VWA8: variants seen among roughly 807,000 people sequenced by gnomAD.
The protein encoded by VWA8 is von Willebrand factor A domain containing 8.
In VWA8, 221 loss-of-function variants were observed where a neutral mutation model predicts 241.5. The ratio of observed to expected loss-of-function variants is 0.91; its 90% CI spans 0.82 to 1.02. The LOEUF (loss-of-function observed/expected upper bound fraction) is 1.02. Ranked by LOEUF, VWA8 falls within the 50% of genes least tolerant of loss-of-function variation. The pLI is 0.00. For missense variants in VWA8, 2,322 were observed against 2,328.7 expected, an observed-to-expected ratio of 1.00 and a Z score of 0.06; for synonymous variants, 852 against 827.1, an observed-to-expected ratio of 1.03 and a Z score of -0.52.
intron 34 of VWA8, among the ~76,000 whole-genome samples, chr13:41,687,726 A>T (rs989772641): frequency 1.3e-5 from 2 of 152,148 alleles, no homozygotes; most frequent in Non-Finnish European, 2.9e-5. Context: ...TTGTGGCCTA[A>T]AAGTATTACT....
In VWA8 at chr13:41,890,732, T is replaced by A. The variant is rs114753514; in HGVS notation, c.651+688A>T. Among the ~76,000 whole-genome samples, 262 of 152,336 alleles carry A rather than the reference T, an allele frequency of 1.7e-3. 2 individuals are homozygous for A. The highest frequency in any genetic ancestry group is 5.8e-3 in the African/African-American group (241 of 41,576). On this transcript the variant is annotated intron_variant, in intron 5 of 44. Transcript: ENST00000379310. Reference sequence around the variant, plus strand: ...GAGGGAAGCAGACAACAAAGGGCACTGTATTGCATTGTAAAAACTTTTGAA... The same window carrying A: ...GAGGGAAGCAGACAACAAAGGGCACAGTATTGCATTGTAAAAACTTTTGAA...
chr13:41,726,308 T>G (rs148065451), intron 24 of VWA8, among the ~76,000 whole-genome samples: 130 of 152,328 alleles, frequency 8.5e-4, no homozygotes, highest in African/African-American at 2.6e-3. Context: ...TTAAACATTG[T>G]ATAGGTAAAT....
At position 41,567,279 on chromosome 13, in the gene VWA8, A is replaced by G. The variant is rs2044267533; in HGVS notation, c.*918T>C. Reference sequence around the variant, plus strand: ...TTTTTGTTACAGCTAAAAATTTCCAATCACCATTCACTTCAAATATACCAC... The same window carrying G: ...TTTTTGTTACAGCTAAAAATTTCCAGTCACCATTCACTTCAAATATACCAC... On this transcript the variant is annotated 3_prime_UTR_variant, in exon 45 of 45. Transcript: ENST00000379310. 2 of 152,236 alleles carry G rather than the reference A, an allele frequency of 1.3e-5. No individual in the cohort carries two copies. Among genetic ancestry groups the G allele is most frequent in the Non-Finnish European group, 2.9e-5 (2 of 68,036 alleles). 9.4% of individuals were successfully genotyped at this position (152,236 alleles called of 1,614,324 possible).
At chr13:41,608,880 A>G (rs1045425534) in intron 39 of VWA8, among the ~76,000 whole-genome samples, 4 of 152,194 alleles carry the variant, frequency 2.6e-5, no homozygotes, top group Admixed American at 2.0e-4. Context: ...TTAAAACCAG[A>G]TATAAACAGA....
At chr13:41,686,016 A>G (rs997645295) in intron 34 of VWA8, among the ~76,000 whole-genome samples, 1 of 152,170 alleles carries the variant, frequency 6.6e-6, no homozygotes, top group African/African-American at 2.4e-5. Flanking sequence ...TGTGAATGGT[A>G]TGAAGTGGGG....
Position 41,689,373 on chromosome 13 carries a change from A to G in VWA8, c.4112T>C (p.Val1371Ala). ...GCTTACCATGAGATCTGGAAAACCA[A>G]CAACTATTGTAGCATAATTTTTCTC... is the stretch of plus-strand genomic sequence containing the variant. The part of the protein sequence containing the change: ...SDEKNYATIV[V>A]GFPDLMSPSE... The change falls in exon 34 of 45, where the codon GTT becomes GCT. Residue 1371 changes from valine (V) to alanine (A), a missense_variant. Val to Ala is a moderately conservative substitution (Grantham distance 64). Transcript: ENST00000379310. The G allele has an allele frequency of 6.2e-7, 1 of 1,609,408 alleles. No individual in the cohort carries two copies. The highest frequency in any genetic ancestry group is 2.2e-5 in the East Asian group (1 of 44,680).
At chr13:41,775,661 G>A (rs61221437) in intron 20 of VWA8, among the ~76,000 whole-genome samples, 33,671 of 151,958 alleles carry the variant, frequency 0.22, 3,732 homozygotes, top group African/African-American at 0.25. Flanking sequence ...CCTCCACCCC[G>A]CTGCCTAGCT....
In VWA8 at chr13:41,605,739, A is replaced by C. The variant is rs571420179; in HGVS notation, c.4878-463T>G. 1.1e-4 allele frequency among the ~76,000 whole-genome samples: 16 copies of C among 152,260 alleles called. No homozygotes were observed. The South Asian group carries it at 1.5e-3, about 14-fold the overall frequency. ...TCCCATGGGTTGCTTTTTAAGATCG[A>C]GATCATGTATTTGGTTGACCAAGAT... is the stretch of plus-strand genomic sequence containing the variant. On this transcript the variant is annotated intron_variant, in intron 39 of 44. Transcript: ENST00000379310.
intron 20 of VWA8, among the ~76,000 whole-genome samples, chr13:41,768,902 C>A (rs1322382902): frequency 3.1e-5 from 4 of 129,992 alleles, no homozygotes; most frequent in Admixed American, 8.2e-5. Context: ...TAAAACAATG[C>A]CTTTTTTTTT....
intron 42 of VWA8, among the ~76,000 whole-genome samples, chr13:41,586,697 C>A (rs918867439): frequency 1.1e-4 from 16 of 152,146 alleles, no homozygotes; most frequent in Admixed American, 9.2e-4. Flanking sequence ...GGATGTCAAG[C>A]CTAATAGCAA....
intron 2 of VWA8, among the ~76,000 whole-genome samples, chr13:41,937,543 G>A (rs1877405975): frequency 6.6e-6 from 1 of 152,202 alleles, no homozygotes; most frequent in Admixed American, 6.5e-5. Context: ...TGCCAGCAAG[G>A]TGGGGCAGCT....
intron 12 of VWA8, among the ~76,000 whole-genome samples, chr13:41,847,384 A>G (rs1872335848): frequency 6.6e-6 from 1 of 152,232 alleles, no homozygotes; most frequent in South Asian, 2.1e-4. Context: ...CAAAGTCAAG[A>G]GGCCACGTGA....
intron 4 of VWA8, among the ~76,000 whole-genome samples, chr13:41,896,355 A>G (rs961800786): frequency 6.6e-6 from 1 of 152,102 alleles, no homozygotes; most frequent in African/African-American, 2.4e-5. Flanking sequence ...TAAAAATTTA[A>G]TGATACAAGT....
At chr13:41,573,075 C>T (rs1216075641) in intron 43 of VWA8, among the ~76,000 whole-genome samples, 2 of 144,094 alleles carry the variant, frequency 1.4e-5, no homozygotes, top group Non-Finnish European at 3.0e-5. Flanking sequence ...TACCACTGCA[C>T]TCCAGCCTGG....
At chr13:41,755,194 T>A (rs552913261) in intron 21 of VWA8, among the ~76,000 whole-genome samples, 187 of 152,218 alleles carry the variant, frequency 1.2e-3, no homozygotes, top group Non-Finnish European at 1.5e-3. Context: ...CAAACTGTTC[T>A]CCATAGTGGT....
At chr13:41,942,040 A>G (rs977269728) in intron 2 of VWA8, among the ~76,000 whole-genome samples, 2 of 152,194 alleles carry the variant, frequency 1.3e-5, no homozygotes, top group African/African-American at 4.8e-5. Context: ...ATAAGAGAAG[A>G]CCCAGAAAGC....
At chr13:41,802,150 A>G (rs1869988302) in intron 17 of VWA8, among the ~76,000 whole-genome samples, 1 of 152,236 alleles carries the variant, frequency 6.6e-6, no homozygotes, top group African/African-American at 2.4e-5. Flanking sequence ...TGAATTGCCT[A>G]CACCACCTCT....
rs140999484 is a variant in VWA8, at chr13:41,601,684, C to A, written c.4986+3484G>T. Reference sequence around the variant, plus strand: ...GGACTGATGAGAAGATTCATGCAATCGATTCACAAAAGGGAAAAGGTTCAA... The same window carrying A: ...GGACTGATGAGAAGATTCATGCAATAGATTCACAAAAGGGAAAAGGTTCAA... On this transcript the variant is annotated intron_variant, in intron 40 of 44. Transcript: ENST00000379310. Among the ~76,000 whole-genome samples, 11 of 152,122 alleles carry A rather than the reference C, an allele frequency of 7.2e-5. No individual in the cohort carries two copies. In the East Asian group the frequency reaches 2.1e-3, roughly 29 times the overall value.
At chr13:41,742,088 A>T (rs2045573329) in intron 21 of VWA8, among the ~76,000 whole-genome samples, 1 of 152,184 alleles carries the variant, frequency 6.6e-6, no homozygotes, top group South Asian at 2.1e-4. Context: ...AGTCACATGG[A>T]AGGATGTAGA....
Sources: gnomAD v4.1 joint callset for allele counts (sites outside exome capture counted in the v4.1 genomes callset) on GRCh38, gnomAD v4.1.1 for gene constraint, MANE v1.5 for transcripts, NCBI Gene and HGNC (gene_info 2026-07-23, HGNC 2026-07-21) for gene names.